Variants in RFX2 observed in about 807,000 individuals in gnomAD.
RFX2 encodes regulatory factor X2, also known as DNA-binding protein RFX2.
A neutral mutation model predicts 87.8 loss-of-function variants in RFX2; 20 were observed. The ratio of observed to expected loss-of-function variants is 0.23; its 90% confidence interval spans 0.16 to 0.33. The LOEUF is 0.33. Ranked by LOEUF, RFX2 falls within the 10% of genes least tolerant of loss-of-function variation. RFX2 has a pLI of 1.00. For synonymous variants in RFX2, 397 were observed against 431.3 expected (o/e 0.92, Z 0.98); for missense variants, 767 against 1,012.3 (o/e 0.76, Z 3.29).
rs531774049 is a variant in RFX2, at chr19:6,061,059, T to A, written c.-8-13555A>T. Among the ~76,000 whole-genome samples, 2 of 152,274 alleles carry A rather than the reference T, an allele frequency of 1.3e-5. No homozygotes were observed. The highest frequency in any genetic ancestry group is 4.1e-4 in the South Asian group (2 of 4,828). ...GGGGCTGTTCAAGGCACTGGGCATC[T>A]CCCTGCGCCCCGGGACACGTGTCGC... On this transcript the variant is annotated intron_variant, in intron 1 of 17. Transcript: ENST00000303657. This position sits in a 1 kb window ranked among gnomAD's most constrained non-coding sequence, Gnocchi z 5.2.
chr19:6,016,260 C>T lies in RFX2; in HGVS notation c.609G>A (p.Leu203=). 2 of 1,605,008 alleles carry T rather than the reference C, an allele frequency of 1.2e-6. No homozygotes were observed. The highest frequency in any genetic ancestry group is 2.2e-5 in the East Asian group (1 of 44,728). The change falls in exon 7 of 18, where the codon CTG becomes CTA. Residue 203 remains leucine (L), a synonymous_variant. Coordinates refer to ENST00000303657, the MANE Select transcript of RFX2 (RefSeq NM_000635.4). This position sits in a 1 kb window ranked among gnomAD's most constrained non-coding sequence, Gnocchi z 5.4. ...CTTCCGCTGTTTCATAATTATCCAA[C>T]AGCCACTGGAGCTGTAAAAAGAAAG... ...SGLLNSHLQW[L]LDNYETAEGV...
rs79089458 is a variant in RFX2, at chr19:6,019,263, T to C, written c.598-2992A>G. Among the ~76,000 whole-genome samples, 438 of 152,316 alleles carry C rather than the reference T, an allele frequency of 2.9e-3. 2 individuals are homozygous for C. The highest frequency in any genetic ancestry group is 9.8e-3 in the African/African-American group (409 of 41,562). The stretch of plus-strand genomic sequence containing the variant: ...AGTGGAGACTTCATCTCTTCCTCAC[T>C]TGCCTCTTTGGGAAAAGGGACATCA... On this transcript the variant is annotated intron_variant, in intron 6 of 17. Coordinates refer to ENST00000303657, the MANE Select transcript of RFX2 (RefSeq NM_000635.4).
At chr19:6,092,402 T>G (rs2087948508) in intron 1 of RFX2, among the ~76,000 whole-genome samples, 1 of 152,094 alleles carries the variant, frequency 6.6e-6, no homozygotes, top group Non-Finnish European at 1.5e-5. Context: ...CATGCTGGGC[T>G]GCTGGAAGGA....
At chr19:6,008,370 TTTTTC>T (rs1270870143) in intron 9 of RFX2, 146 bp from the exon 10 acceptor site, 24 of 473,554 alleles carry the variant, frequency 5.1e-5, no homozygotes, top group South Asian at 1.0e-4. Flanking sequence ...TTTCTTTTTC[TTTTTC>T]TTTTTTTTTT....
At chr19:6,036,368 G>A (rs2144755050) in intron 5 of RFX2, among the ~76,000 whole-genome samples, 1 of 152,168 alleles carries the variant, frequency 6.6e-6, no homozygotes, top group African/African-American at 2.4e-5. Context: ...GAGGAGGCAT[G>A]GGGCACTACG....
intron 1 of RFX2, among the ~76,000 whole-genome samples, chr19:6,085,025 AT>A (rs2087837295): frequency 1.3e-5 from 2 of 152,172 alleles, no homozygotes; most frequent in Non-Finnish European, 2.9e-5. Context: ...CTGTGTCAGA[AT>A]TTCCTTCCTT....
At chr19:6,049,717 G>A (rs1241917619) in intron 1 of RFX2, among the ~76,000 whole-genome samples, 1 of 152,098 alleles carries the variant, frequency 6.6e-6, no homozygotes, top group African/African-American at 2.4e-5. Flanking sequence ...TTATAGAAAC[G>A]GGGCTTCACC....
In RFX2 at chr19:6,008,204, C is replaced by T. The variant is rs1039999101; in HGVS notation, c.1036G>A (p.Glu346Lys). 8 of 1,560,576 alleles carry T rather than the reference C, an allele frequency of 5.1e-6. No individual in the cohort carries two copies. The highest frequency in any genetic ancestry group is 4.0e-5 in the African/African-American group (3 of 74,460). ...CTGCCCAGGTCGGGCGCTGGGAACT[C>T]GGGGAAGACGTGGGAGACATCTGGG... is the stretch of plus-strand genomic sequence containing the variant. ...QYIDVSHVFP[E>K]FPAPDLGSFL... is the part of the protein sequence containing the mutation. Residue 346 changes from glutamate to lysine, a missense_variant, in exon 10 of 18, where the codon GAG (glutamate) becomes AAG (lysine). This residue lies in a region of RFX2 where 621 missense variants were observed against 873.0 expected (regional missense o/e 0.71). Coordinates refer to ENST00000303657, the MANE Select transcript of RFX2 (RefSeq NM_000635.4).
At position 6,017,339 on chromosome 19, in the gene RFX2, C is replaced by T. The variant is rs907765073; in HGVS notation, c.598-1068G>A. On this transcript the variant is annotated intron_variant, in intron 6 of 17. Coordinates refer to ENST00000303657, the MANE Select transcript of RFX2 (RefSeq NM_000635.4). This position sits in a 1 kb window ranked among gnomAD's most constrained non-coding sequence, Gnocchi z 4.1. ...AGAAGGGCTGCGAGAACTGTCCACA[C>T]GAAGAGCTCAGTCCCCACACTGGGC... 2.2e-4 allele frequency among the ~76,000 whole-genome samples: 34 copies of T among 152,362 alleles called. 1 individual carries two copies. Among genetic ancestry groups the T allele is most frequent in the Admixed American group, 7.2e-4 (11 of 15,306 alleles).
chr19:6,098,852 C>T (rs1373259742), intron 1 of RFX2, among the ~76,000 whole-genome samples: 1 of 149,860 alleles, frequency 6.7e-6, no homozygotes, highest in Non-Finnish European at 1.5e-5. Flanking sequence ...TTATGTAACT[C>T]TGTTAATTCT....
intron 1 of RFX2, chr19:6,073,649 A>C (rs1358803722): frequency 7.5e-6 from 2 of 266,304 alleles, no homozygotes; most frequent in Non-Finnish European, 1.4e-5. Flanking sequence ...AAAACAATTA[A>C]AGATGGAAAG....
chr19:6,074,617 C>T lies in RFX2; in HGVS notation c.-8-27113G>A, dbSNP rs535160598. Among the ~76,000 whole-genome samples, 1 of 152,200 alleles carries T rather than the reference C, an allele frequency of 6.6e-6. No individual in the cohort carries two copies. Among genetic ancestry groups the T allele is most frequent in the African/African-American group, 2.4e-5 (1 of 41,446 alleles). ...GTGGGGCTGACCCCTCAGGGAGAGA[C>T]AGACGACACCATGGACACAGAACAG... On this transcript the variant is annotated intron_variant, in intron 1 of 17. Coordinates refer to ENST00000303657, the MANE Select transcript of RFX2 (RefSeq NM_000635.4). This position sits in a 1 kb window ranked among gnomAD's most constrained non-coding sequence, Gnocchi z 5.2.
rs969252082 is a variant in RFX2 at position 5,998,813 on chromosome 19, G to T, written c.1860-1600C>A. Among the ~76,000 whole-genome samples the T allele has an allele frequency of 2.5e-4, 38 of 152,286 alleles. No homozygotes were observed. The highest frequency in any genetic ancestry group is 8.7e-4 in the African/African-American group (36 of 41,546). ...GCAGCTCCCAGAGAGTAGGAGCATC[G>T]GCCGACCACCACCAAGGGAGGCCCA... On this transcript the variant is annotated intron_variant, in intron 15 of 17. Transcript: ENST00000303657. The surrounding 1 kb of genome is among the most constrained non-coding windows in gnomAD (Gnocchi z 4.2).
chr19:6,008,144 C>A lies in RFX2; in HGVS notation c.1096G>T (p.Val366Phe). ...LLQDGVTLHD[V>F]KALQLVYRRH... is the part of the protein sequence containing the mutation. Reference sequence around the variant, plus strand: ...CTGTACACCAGCTGCAGGGCCTTGACGTCGTGCAGTGTGACGCCGTCCTGC... The same window carrying A: ...CTGTACACCAGCTGCAGGGCCTTGAAGTCGTGCAGTGTGACGCCGTCCTGC... Residue 366 changes from valine (V) to phenylalanine (F), a missense_variant, in exon 10 of 18, where the codon GTC becomes TTC. By Grantham distance (50) the Val-to-Phe change is conservative. Around this residue, in one of 2 missense-constraint regions of RFX2, gnomAD observed 621 missense variants for 873.0 expected, o/e 0.71. Coordinates refer to ENST00000303657, the MANE Select transcript of RFX2 (RefSeq NM_000635.4). 2 of 1,554,992 alleles carry A rather than the reference C, an allele frequency of 1.3e-6. No individual in the cohort carries two copies. The highest frequency in any genetic ancestry group is 2.4e-5 in the East Asian group (1 of 41,814).
chr19:6,108,997 A>T (rs936208052), intron 1 of RFX2, among the ~76,000 whole-genome samples: 33 of 151,664 alleles, frequency 2.2e-4, no homozygotes, highest in African/African-American at 7.5e-4. Context: ...AGAAATGAGC[A>T]TTTGGGGTGT....
Position 6,047,438 on chromosome 19 carries a change from G to C in RFX2, c.59C>G (p.Ala20Gly). Residue 20 changes from alanine to glycine, a missense_variant, in exon 2 of 18, where the codon GCG (alanine) becomes GGG (glycine). By Grantham distance (60) the Ala-to-Gly change is moderately conservative. Transcript: ENST00000303657. This position sits in a 1 kb window ranked among gnomAD's most constrained non-coding sequence, Gnocchi z 4.2. ...SPASVALRPS[A>G]AAPPVPASPQ... Reference sequence around the variant, plus strand: ...GGAGGCTGGCACAGGCGGGGCTGCCGCCGAGGGACGCAGAGCCACGGACGC... The same window carrying C: ...GGAGGCTGGCACAGGCGGGGCTGCCCCCGAGGGACGCAGAGCCACGGACGC... 6.2e-7 allele frequency: 1 copy of C among 1,601,180 alleles called. No homozygotes were observed. Among genetic ancestry groups the C allele is most frequent in the Non-Finnish European group, 8.5e-7 (1 of 1,174,104 alleles).
chr19:5,998,673 C>G lies in RFX2; in HGVS notation c.1860-1460G>C, dbSNP rs2086450640. On this transcript the variant is annotated intron_variant, in intron 15 of 17. Transcript: ENST00000303657. This position sits in a 1 kb window ranked among gnomAD's most constrained non-coding sequence, Gnocchi z 4.2. Reference sequence around the variant, plus strand: ...CTCCCCCACGCAGATGAGGTGCTGGCACTCTGCAACCAGCTTCCCCACAGC... The same window carrying G: ...CTCCCCCACGCAGATGAGGTGCTGGGACTCTGCAACCAGCTTCCCCACAGC... Among the ~76,000 whole-genome samples the G allele has an allele frequency of 6.6e-6, 1 of 152,188 alleles. No homozygotes were observed. Among genetic ancestry groups the G allele is most frequent in the Non-Finnish European group, 1.5e-5 (1 of 68,040 alleles).
At position 6,061,991 on chromosome 19, in the gene RFX2, A is replaced by AAAC. The variant is rs933872644; in HGVS notation, c.-8-14490_-8-14488dup. ...GCCCCATCTCTACAAACAAACAAAC[A>AAAC]AACAACAACAACAACAAACTGGGGG... On this transcript the variant is annotated intron_variant, in intron 1 of 17. Coordinates refer to ENST00000303657, the MANE Select transcript of RFX2 (RefSeq NM_000635.4). The surrounding 1 kb of genome is among the most constrained non-coding windows in gnomAD (Gnocchi z 5.2). Among the ~76,000 whole-genome samples, 5 of 151,932 alleles carry AAAC rather than the reference A, an allele frequency of 3.3e-5. No homozygotes were observed. Among genetic ancestry groups the AAAC allele is most frequent in the Non-Finnish European group, 7.4e-5 (5 of 67,970 alleles).
chr19:6,001,667 T>C lies in RFX2; in HGVS notation c.1859+148A>G. On this transcript the variant is annotated intron_variant, in intron 15 of 17. Coordinates refer to ENST00000303657, the MANE Select transcript of RFX2 (RefSeq NM_000635.4). The surrounding 1 kb of genome is among the most constrained non-coding windows in gnomAD (Gnocchi z 5.6). ...GTCATGAGTGAGGCCCCCAGCCAGG[T>C]AGTTGTTTTTTGCGGGTTCAGACAC... 1 of 634,626 alleles carries C rather than the reference T, an allele frequency of 1.6e-6. No homozygotes were observed. The highest frequency in any genetic ancestry group is 3.1e-5 in the East Asian group (1 of 32,332). 39.3% of individuals were successfully genotyped at this position (634,626 alleles called of 1,614,324 possible).
Sources: allele counts gnomAD v4.1 joint callset (sites outside exome capture counted in the v4.1 genomes callset), GRCh38; gene constraint gnomAD v4.1.1; regional missense constraint gnomAD v4.1.1; non-coding constraint Gnocchi (gnomAD v3.1); transcripts MANE v1.5; gene names NCBI Gene and HGNC (gene_info 2026-07-23, HGNC 2026-07-21).